The following MAST3 variants were observed in gnomAD, a reference collection of about 807,000 sequenced individuals.
The protein encoded by MAST3 is microtubule associated serine/threonine kinase 3.
In MAST3, 43 loss-of-function variants were observed where a neutral mutation model predicts 127.0. That is an observed-to-expected ratio of 0.34 (90% CI 0.27 to 0.44). The LOEUF (loss-of-function observed/expected upper bound fraction) is 0.44. Among genes scored for constraint, MAST3 ranks in the 20% least tolerant of loss-of-function variants. MAST3 has a pLI of 1.00. For synonymous variants in MAST3, 785 were observed against 809.2 expected (o/e 0.97, Z 0.51); for missense variants, 1,390 against 1,919.1 (o/e 0.72, Z 5.15).
At chr19:18,117,759 G>T (rs779223232) in intron 3 of MAST3, among the ~76,000 whole-genome samples, 1 of 152,196 alleles carries the variant, frequency 6.6e-6, no homozygotes, top group East Asian at 1.9e-4. Flanking sequence ...CAAAATGCCT[G>T]CCCCTAGCTC....
At chr19:18,124,935 C>CCCT (rs981241865) in intron 11 of MAST3, among the ~76,000 whole-genome samples, 161 bp downstream of exon 11, 1 of 136,966 alleles carries the variant, frequency 7.3e-6, no homozygotes, top group Non-Finnish European at 1.6e-5. Context: ...GTGGAAACCC[C>CCCT]CCCCCTACTA....
rs60146811 is a variant in MAST3 at position 18,110,403 on chromosome 19, G to A, written c.72-249G>A. 260,253 of 985,128 alleles carry A rather than the reference G, an allele frequency of 0.26. 34,998 individuals carry two copies. The highest frequency in any genetic ancestry group is 0.27 in the Non-Finnish European group (227,275 of 829,676). The allele number at this position is 985,128 out of a possible 1,614,324, so 61.0% of individuals were successfully genotyped here. A position where few individuals can be genotyped will look rare whatever the true frequency, so the allele number is the denominator to read the frequency against. On this transcript the variant is annotated intron_variant, in intron 2 of 27. Coordinates refer to ENST00000687212, the MANE Select transcript of MAST3 (RefSeq NM_001393504.1). The surrounding 1 kb of genome is among the most constrained non-coding windows in gnomAD (Gnocchi z 4.3). ...GCAGGGCGGGGGTATGCGGGGTGCAGGGAGGACAGGATGACAACTACCCTC... is the reference window on the plus strand; with the variant it reads ...GCAGGGCGGGGGTATGCGGGGTGCAAGGAGGACAGGATGACAACTACCCTC...
rs2042814431 is a variant in MAST3 at position 18,144,328 on chromosome 19, C to T, written c.2585-138C>T. Reference sequence around the variant, plus strand: ...TAGAGAATAATTTGGGAAGGGAGTGCAGGAAGAGGGAACTGCATGAGCAAA... The same window carrying T: ...TAGAGAATAATTTGGGAAGGGAGTGTAGGAAGAGGGAACTGCATGAGCAAA... On this transcript the variant is annotated intron_variant, in intron 22 of 27. Coordinates refer to ENST00000687212, the MANE Select transcript of MAST3 (RefSeq NM_001393504.1). This position sits in a 1 kb window ranked among gnomAD's most constrained non-coding sequence, Gnocchi z 4.0. 3.8e-6 allele frequency: 3 copies of T among 784,590 alleles called. No individual in the cohort carries two copies. Among genetic ancestry groups the T allele is most frequent in the Non-Finnish European group, 6.1e-6 (3 of 491,630 alleles). The allele number at this position is 784,590 out of a possible 1,614,324, so 48.6% of individuals were successfully genotyped here.
At chr19:18,124,614 T>C (rs123203) in intron 10 of MAST3, 28 bp from the exon 11 acceptor site, 1,465,970 of 1,539,356 alleles carry the variant, frequency 0.95, 698,242 homozygotes, top group African/African-American at 0.99. Flanking sequence ...AACCAAGCCC[T>C]GGGTGACCAG....
At chr19:18,136,907 C>T (rs1431264160) in intron 18 of MAST3, among the ~76,000 whole-genome samples, 1 of 152,044 alleles carries the variant, frequency 6.6e-6, no homozygotes, top group African/African-American at 2.4e-5. Context: ...CTGCAATCTC[C>T]ACCTCCCAGG....
chr19:18,102,042 G>A (rs1173420069), intron 1 of MAST3, among the ~76,000 whole-genome samples: 4 of 149,260 alleles, frequency 2.7e-5, no homozygotes, highest in East Asian at 4.0e-4. Context: ...CACCACACCC[G>A]GCTAATTTTT....
At position 18,124,019 on chromosome 19, in the gene MAST3, C is replaced by T. The variant is rs770128384; in HGVS notation, c.714C>T (p.Gly238=). Residue 238 remains glycine (G), a synonymous_variant, in exon 9 of 28, where the codon GGC becomes GGT. Transcript: ENST00000687212. ...APGARLALAD[G]VLGFIHHQIV... ...GCGCCCGGCTGGCGCTGGCTGATGG[C>T]GTCTTGGGCTTCATCCACCACCAGA... 77 of 1,599,728 alleles carry T rather than the reference C, an allele frequency of 4.8e-5. 1 individual carries two copies. The South Asian group carries it at 6.5e-4, about 14-fold the overall frequency.
chr19:18,106,966 A>ATTTTTTTTTTTTTTTTT (rs60298417), intron 1 of MAST3, among the ~76,000 whole-genome samples: 1 of 73,920 alleles, frequency 1.4e-5, no homozygotes, highest in Non-Finnish European at 2.4e-5. Context: ...ATGCCCAGCA[A>ATTTTTTTTTTTTTTTTT]TTTTTTTTTT....
intron 9 of MAST3, 25 bp downstream of exon 9, chr19:18,124,173 G>GT (rs1443269714): frequency 6.3e-7 from 1 of 1,599,966 alleles, no homozygotes; most frequent in Non-Finnish European, 8.5e-7. Context: ...GCATGTTGAG[G>GT]TTTTGCATGC....
intron 1 of MAST3, among the ~76,000 whole-genome samples, chr19:18,102,329 G>A (rs772816279): frequency 5.9e-5 from 9 of 152,174 alleles, no homozygotes; most frequent in Non-Finnish European, 4.4e-5. Flanking sequence ...ACAGGCATGC[G>A]CCACCACATC....
At chr19:18,140,848 C>T (rs1480835462) in intron 20 of MAST3, among the ~76,000 whole-genome samples, 2 of 152,010 alleles carry the variant, frequency 1.3e-5, no homozygotes, top group Non-Finnish European at 2.9e-5. Context: ...GGCTGGAGTG[C>T]AATAGTGCAA....
At chr19:18,119,928 C>A (rs886391708) in intron 3 of MAST3, among the ~76,000 whole-genome samples, 1 of 152,228 alleles carries the variant, frequency 6.6e-6, no homozygotes, top group Non-Finnish European at 1.5e-5. Flanking sequence ...GATTCTCCCG[C>A]CGCTGAGCTG....
intron 1 of MAST3, among the ~76,000 whole-genome samples, chr19:18,105,652 A>T (rs935563827): frequency 8.5e-5 from 13 of 152,112 alleles, no homozygotes; most frequent in Non-Finnish European, 1.6e-4. Flanking sequence ...CAGCCTGGGC[A>T]ACAAGAGCAA....
rs2041338920 is a variant in MAST3, at chr19:18,131,890, A to G, written c.1433-19A>G. 2 of 1,557,618 alleles carry G rather than the reference A, an allele frequency of 1.3e-6. No homozygotes were observed. Among genetic ancestry groups the G allele is most frequent in the South Asian group, 2.3e-5 (2 of 85,738 alleles). On this transcript the variant is annotated intron_variant, in intron 14 of 27. Coordinates refer to ENST00000687212, the MANE Select transcript of MAST3 (RefSeq NM_001393504.1). ...CGGGGGTGCCCCGGGCCTCATGACT[A>G]CATCCGCCCTTCTCCCAGGCGGCGA...
At chr19:18,098,597 C>T (rs1038871663) in intron 1 of MAST3, among the ~76,000 whole-genome samples, 2 of 152,128 alleles carry the variant, frequency 1.3e-5, no homozygotes, top group Non-Finnish European at 2.9e-5. Flanking sequence ...ACTACATGAC[C>T]CCGGGCAGCC....
At chr19:18,116,921 A>C (rs978963958) in intron 3 of MAST3, among the ~76,000 whole-genome samples, 2 of 101,874 alleles carry the variant, frequency 2.0e-5, no homozygotes, top group East Asian at 5.6e-4. Flanking sequence ...CTCAAAAAAA[A>C]AAAATTTGTC....
intron 3 of MAST3, among the ~76,000 whole-genome samples, chr19:18,116,090 CTTTTTT>C (rs3048876): frequency 2.3e-5 from 2 of 86,350 alleles, no homozygotes; most frequent in African/African-American, 1.1e-4. Context: ...TTGAAATTAT[CTTTTTT>C]TTTTTTTTTT....
intron 1 of MAST3, among the ~76,000 whole-genome samples, chr19:18,104,788 G>A (rs1025127617): frequency 2.5e-4 from 38 of 152,248 alleles, no homozygotes; most frequent in African/African-American, 7.2e-4. Flanking sequence ...CGTAGGAGGT[G>A]GCTCAGTAAA....
At chr19:18,098,482 T>A (rs901328883) in intron 1 of MAST3, among the ~76,000 whole-genome samples, 4 of 151,826 alleles carry the variant, frequency 2.6e-5, no homozygotes, top group Non-Finnish European at 4.4e-5. Context: ...CAATGAGCCA[T>A]AGGGTCCTCC....
Sources: gnomAD v4.1 joint callset for allele counts (sites outside exome capture counted in the v4.1 genomes callset) on GRCh38, gnomAD v4.1.1 for gene constraint, Gnocchi (gnomAD v3.1) non-coding constraint, MANE v1.5 for transcripts, NCBI Gene and HGNC (gene_info 2026-07-23, HGNC 2026-07-21) for gene names.